The following AHR variants were observed in gnomAD, a reference collection of about 807,000 sequenced individuals.
The protein encoded by AHR is AH-receptor.
Under a neutral mutation model 86.8 loss-of-function variants are expected in AHR, and 40 were observed. The ratio of observed to expected loss-of-function variants is 0.46; its 90% CI spans 0.36 to 0.60. AHR has a LOEUF of 0.60. Among genes scored for constraint, AHR ranks in the 20% least tolerant of loss-of-function variants. The probability of loss-of-function intolerance (pLI) is 0.00; values close to 1 mark genes in which losing one functional copy is unlikely to be tolerated. For missense variants in AHR, 1,001 were observed against 1,011.6 expected, an observed-to-expected ratio of 0.99 and a Z score of 0.14; for synonymous variants, 398 against 354.9, an observed-to-expected ratio of 1.12 and a Z score of -1.37.
chr7:17,303,927 A>G (rs1781980071), intron 1 of AHR, among the ~76,000 whole-genome samples: 1 of 152,082 alleles, frequency 6.6e-6, no homozygotes, highest in Non-Finnish European at 1.5e-5. Flanking sequence ...ATTATTGTCA[A>G]TTTCATAGGC....
intron 2 of AHR, among the ~76,000 whole-genome samples, chr7:17,311,001 C>T (rs543999873): frequency 4.6e-5 from 7 of 152,200 alleles, no homozygotes; most frequent in South Asian, 4.2e-4. Flanking sequence ...GTAGCATCCC[C>T]GTATCTCAGT....
chr7:17,323,811 G>A (rs937593516), intron 3 of AHR, among the ~76,000 whole-genome samples: 3 of 152,156 alleles, frequency 2.0e-5, no homozygotes, highest in African/African-American at 4.8e-5. Context: ...AGCCCCAACT[G>A]AGGATCTTCA....
Position 17,339,085 on chromosome 7 carries a change from T to TC in AHR, c.1262dup (p.Ala422CysfsTer11), listed in dbSNP as rs753766685. The TC allele has an allele frequency of 6.2e-7, 1 of 1,613,640 alleles. No homozygotes were observed. On this transcript the variant is annotated frameshift_variant, in exon 10 of 11. Coordinates refer to ENST00000242057, the MANE Select transcript of AHR (RefSeq NM_001621.5). ...TGTTGTATGAGGCAACCAACCCTTTTCCTGCCATAATGGATCCCTTACCAC... is the reference window on the plus strand; with the variant it reads ...TGTTGTATGAGGCAACCAACCCTTTTCCCTGCCATAATGGATCCCTTACCAC...
In AHR at chr7:17,327,857, A is replaced by C; in HGVS notation, c.450+9A>C. 1 of 1,215,142 alleles carries C rather than the reference A, an allele frequency of 8.2e-7. No individual in the cohort carries two copies. The highest frequency in any genetic ancestry group is 1.1e-6 in the Non-Finnish European group (1 of 900,450). 75.3% of individuals were successfully genotyped at this position (1,215,142 alleles called of 1,614,324 possible). A position where few individuals can be genotyped will look rare whatever the true frequency, so the allele number is the denominator to read the frequency against. On this transcript the variant is annotated intron_variant, in intron 4 of 10. Transcript: ENST00000242057. Reference sequence around the variant, plus strand: ...ATCTAGGGTTTCAGCAGGTAAGTATATATTATTTATATCATTTATATTATT... The same window carrying C: ...ATCTAGGGTTTCAGCAGGTAAGTATCTATTATTTATATCATTTATATTATT...
Position 17,335,626 on chromosome 7 carries a change from T to G in AHR, c.1019-19T>G, listed in dbSNP as rs1562481386. Reference sequence around the variant, plus strand: ...TTGATTTGGGGGTTTGATAATTTAATTTTTTAATTTTATTTTAGTGATTAA... The same window carrying G: ...TTGATTTGGGGGTTTGATAATTTAAGTTTTTAATTTTATTTTAGTGATTAA... On this transcript the variant is annotated intron_variant, in intron 8 of 10. Transcript: ENST00000242057. 2.6e-6 allele frequency: 4 copies of G among 1,533,814 alleles called. No individual in the cohort carries two copies. Among genetic ancestry groups the G allele is most frequent in the Non-Finnish European group, 3.5e-6 (4 of 1,139,720 alleles).
Position 17,344,869 on chromosome 7 carries a change from G to A in AHR, c.*1805G>A, listed in dbSNP as rs1314827193. The stretch of plus-strand genomic sequence containing the variant: ...GTCTCAAACTCCTGACCTCAGGTGA[G>A]CCTCCCACCTTGGCCTCCCAAAGTG... On this transcript the variant is annotated 3_prime_UTR_variant, in exon 11 of 11. Transcript: ENST00000242057. 2 of 151,658 alleles carry A rather than the reference G, an allele frequency of 1.3e-5. No homozygotes were observed. The highest frequency in any genetic ancestry group is 3.9e-4 in the East Asian group (2 of 5,174). The allele number at this position is 151,658 out of a possible 1,614,324, so 9.4% of individuals were successfully genotyped here.
chr7:17,300,144 C>T (rs1781939993), intron 1 of AHR, among the ~76,000 whole-genome samples: 1 of 152,164 alleles, frequency 6.6e-6, no homozygotes, highest in Non-Finnish European at 1.5e-5. Context: ...TGAGTACAAA[C>T]TTGCTTTTGT....
At chr7:17,333,106 G>A (rs765685706) in intron 6 of AHR, among the ~76,000 whole-genome samples, 2 of 151,874 alleles carry the variant, frequency 1.3e-5, no homozygotes, top group African/African-American at 2.4e-5. Flanking sequence ...GCTTAGATGC[G>A]TAGTAAGCTA....
At chr7:17,342,857 T>C (rs1782440638) in intron 10 of AHR, 64 bp from the exon 11 acceptor site, 2 of 1,485,052 alleles carry the variant, frequency 1.3e-6, no homozygotes, top group East Asian at 2.3e-5. Context: ...GTTAATGTTA[T>C]TTACTGGCTT....
Position 17,340,179 on chromosome 7 carries a change from A to G in AHR, c.2354A>G (p.Gln785Arg), listed in dbSNP as rs1782405032. The change falls in exon 10 of 11, where the codon CAG becomes CGG. Residue 785 changes from glutamine (Q) to arginine (R), a missense_variant. Transcript: ENST00000242057. ...QPEPQHTHVG[Q>R]MQYNPVLPGQ... ...GAACCTCAGCACACCCACGTGGGTC[A>G]GATGCAGTACAATCCAGTACTGCCA... 6.2e-7 allele frequency: 1 copy of G among 1,614,202 alleles called. No homozygotes were observed. Among genetic ancestry groups the G allele is most frequent in the Non-Finnish European group, 8.5e-7 (1 of 1,180,026 alleles).
intron 1 of AHR, among the ~76,000 whole-genome samples, chr7:17,303,009 G>A (rs567180248): frequency 1.8e-4 from 27 of 152,012 alleles, no homozygotes; most frequent in South Asian, 1.4e-3. Flanking sequence ...TACATAGTAC[G>A]TGCTTACTCA....
intron 10 of AHR, among the ~76,000 whole-genome samples, chr7:17,340,605 G>A (rs2115370766): frequency 6.6e-6 from 1 of 152,116 alleles, no homozygotes; most frequent in East Asian, 1.9e-4. Context: ...AAAAATTCAA[G>A]CTTTAAAAAA....
chr7:17,341,940 C>T (rs1721949440), intron 10 of AHR, among the ~76,000 whole-genome samples: 1 of 152,070 alleles, frequency 6.6e-6, no homozygotes, highest in South Asian at 2.1e-4. Context: ...TCATTTTAAA[C>T]TCACCATTAT....
At chr7:17,331,124 G>A (rs1468571133) in intron 6 of AHR, among the ~76,000 whole-genome samples, 1 of 151,830 alleles carries the variant, frequency 6.6e-6, no homozygotes, top group Non-Finnish European at 1.5e-5. Flanking sequence ...TGCCTTATTT[G>A]AAGATGATCT....
At chr7:17,330,943 GGCAAATTTAATTTA>G (rs1782282066) in intron 6 of AHR, 57 bp downstream of exon 6, 25 of 1,557,292 alleles carry the variant, frequency 1.6e-5, no homozygotes, top group Non-Finnish European at 2.1e-5. Context: ...AAAAGCTTGA[GGCAAATTTAATTTA>G]GCAAAATATA....
At chr7:17,321,849 AC>A (rs1367358324) in intron 2 of AHR, among the ~76,000 whole-genome samples, 1 of 152,068 alleles carries the variant, frequency 6.6e-6, no homozygotes, top group African/African-American at 2.4e-5. Context: ...ATAGACTTGA[AC>A]AAATGGAAAG....
chr7:17,341,429 AGGAG>A (rs1363892169), intron 10 of AHR, among the ~76,000 whole-genome samples: 1 of 152,178 alleles, frequency 6.6e-6, no homozygotes, highest in Non-Finnish European at 1.5e-5. Flanking sequence ...ATTTTGAATA[AGGAG>A]TTGCATGAGT....
chr7:17,335,608 G>C, intron 8 of AHR, 37 bp from the exon 9 acceptor site: 1 of 1,507,270 alleles, frequency 6.6e-7, no homozygotes, highest in Non-Finnish European at 9.0e-7. Context: ...ATATTGATTT[G>C]GGGGTTTGAT....
chr7:17,340,312 A>G, intron 10 of AHR, 84 bp downstream of exon 10: 1 of 1,463,620 alleles, frequency 6.8e-7, no homozygotes, highest in Non-Finnish European at 9.0e-7. Flanking sequence ...ATGTCAGCTG[A>G]TTTTAATCGG....
Sources: allele counts gnomAD v4.1 joint callset (sites outside exome capture counted in the v4.1 genomes callset), GRCh38; gene constraint gnomAD v4.1.1; transcripts MANE v1.5; gene names NCBI Gene and HGNC (gene_info 2026-07-23, HGNC 2026-07-21).